Variants in PCSK7 observed in about 807,000 individuals in gnomAD.
The protein encoded by PCSK7 is proprotein convertase subtilisin/kexin type 7.
PCSK7 carries 38 observed loss-of-function variants against 73.3 expected under a neutral mutation model. The ratio of observed to expected loss-of-function variants is 0.52; its 90% CI spans 0.40 to 0.68. The LOEUF (loss-of-function observed/expected upper bound fraction) is 0.68. Ranked by LOEUF, PCSK7 falls within the 30% of genes least tolerant of loss-of-function variation. The pLI is 0.00. For synonymous variants in PCSK7, 296 were observed against 383.8 expected (o/e 0.77, Z 2.68); for missense variants, 692 against 991.5 (o/e 0.70, Z 4.06).
intron 5 of PCSK7, 72 bp from the exon 6 acceptor site, chr11:117,226,093 C>G (rs2032414819): frequency 4.6e-6 from 4 of 868,952 alleles, no homozygotes; most frequent in Non-Finnish European, 6.0e-6. Flanking sequence ...AGGTGGGGAG[C>G]CATATGTGGG....
In PCSK7 at chr11:117,213,418, C is replaced by T. The variant is rs573064582; in HGVS notation, c.1535-4365G>A. The stretch of plus-strand genomic sequence containing the variant: ...CTAGGGAACGGTGACGGCACTGACA[C>T]GAATGGGAAAATCTTAGAAAGCAAG... On this transcript the variant is annotated intron_variant, in intron 12 of 16. Transcript: ENST00000320934. 6 of 152,188 alleles carry T rather than the reference C, an allele frequency of 3.9e-5. 1 individual carries two copies. Among genetic ancestry groups the T allele is most frequent in the South Asian group, 4.1e-4 (2 of 4,822 alleles). 9.4% of individuals were successfully genotyped at this position (152,188 alleles called of 1,614,324 possible). A position where few individuals can be genotyped will look rare whatever the true frequency, so the allele number is the denominator to read the frequency against.
At chr11:117,224,891 C>T (rs113530751) in intron 6 of PCSK7, 136 bp from the exon 7 acceptor site, 37 of 712,028 alleles carry the variant, frequency 5.2e-5, no homozygotes, top group African/African-American at 4.0e-4. Context: ...TAAAGGCTTC[C>T]GTGATTAAAA....
rs1332949474 is a variant in PCSK7 at position 117,228,329 on chromosome 11, T to C, written c.490A>G (p.Arg164Gly). The C allele has an allele frequency of 3.7e-6, 6 of 1,614,070 alleles. No homozygotes were observed. In the South Asian group the frequency reaches 6.6e-5, roughly 18 times the overall value. ...CACACACCCGTCACGTTGATGTCCC[T>C]GCCCGGGCTCCGTCGGTTATTCTGT... ...WHLNNRRSPG[R>G]DINVTGVWER... Residue 164 changes from arginine (R) to glycine (G), a missense_variant, in exon 4 of 17, where the codon AGG becomes GGG. Arg to Gly is a moderately radical substitution (Grantham distance 125). Around this residue, in one of 6 missense-constraint regions of PCSK7, gnomAD observed 574 missense variants for 689.8 expected, o/e 0.83. Coordinates refer to ENST00000320934, the MANE Select transcript of PCSK7 (RefSeq NM_004716.4).
chr11:117,223,953 T>C (rs144930234), intron 8 of PCSK7, 125 bp downstream of exon 8: 283 of 1,005,434 alleles, frequency 2.8e-4, no homozygotes, highest in Admixed American at 1.0e-3. Context: ...GGGCTAGTCC[T>C]ATCTGAGCCC....
At position 117,218,516 on chromosome 11, in the gene PCSK7, T is replaced by C; in HGVS notation, c.1484A>G (p.Glu495Gly). 1 of 1,611,244 alleles carries C rather than the reference T, an allele frequency of 6.2e-7. No homozygotes were observed. Residue 495 changes from glutamate (E) to glycine (G), a missense_variant, in exon 12 of 17, where the codon GAA becomes GGA. Around this residue, in one of 6 missense-constraint regions of PCSK7, gnomAD observed 574 missense variants for 689.8 expected, o/e 0.83. Coordinates refer to ENST00000320934, the MANE Select transcript of PCSK7 (RefSeq NM_004716.4). The surrounding 1 kb of genome is among the most constrained non-coding windows in gnomAD (Gnocchi z 4.0). ...GGGGGACTGCGGAATCGCCTTGTTT[T>C]CTTTTAACACGGGACTGACGTAGGA... is the stretch of plus-strand genomic sequence containing the variant. ...LASYVSPVLK[E>G]NKAIPQSPRS...
intron 6 of PCSK7, chr11:117,224,998 G>T: frequency 2.0e-6 from 1 of 506,422 alleles, no homozygotes; most frequent in Non-Finnish European, 3.6e-6. Context: ...AGCCCATAGT[G>T]GCAGAGAGGG....
chr11:117,221,419 G>C (rs1041336314), intron 9 of PCSK7: 1 of 152,234 alleles, frequency 6.6e-6, no homozygotes, highest in Non-Finnish European at 1.5e-5. Context: ...CTTGTCTATG[G>C]TGGCAGGAGC....
chr11:117,230,879 G>A (rs1020087607), intron 1 of PCSK7, among the ~76,000 whole-genome samples: 1 of 152,096 alleles, frequency 6.6e-6, no homozygotes, highest in African/African-American at 2.4e-5. Context: ...AAACAAAACA[G>A]AACAGGCACC....
Position 117,226,008 on chromosome 11 carries a change from C to A in PCSK7, c.783G>T (p.Leu261=). 6.2e-7 allele frequency: 1 copy of A among 1,605,030 alleles called. No homozygotes were observed. Among genetic ancestry groups the A allele is most frequent in the East Asian group, 2.2e-5 (1 of 44,830 alleles). ...CCATGCTGTCTGTGAGAGGTCCATC[C>A]AGTACCCGGATACCTAGGCAATGAA... ...YGSRIAGIRV[L]DGPLTDSMEA... is the part of the protein sequence containing the mutation. The change falls in exon 6 of 17, where the codon CTG becomes CTT. Residue 261 remains leucine (L), a synonymous_variant. Coordinates refer to ENST00000320934, the MANE Select transcript of PCSK7 (RefSeq NM_004716.4).
intron 3 of PCSK7, among the ~76,000 whole-genome samples, chr11:117,228,745 C>T (rs1321982914): frequency 2.0e-5 from 3 of 151,918 alleles, no homozygotes; most frequent in South Asian, 2.1e-4. Flanking sequence ...CTCAGGCTTC[C>T]GAGTAGCTGC....
At chr11:117,224,265 C>A (rs758120801) in intron 7 of PCSK7, 49 bp from the exon 8 acceptor site, 1 of 1,591,756 alleles carries the variant, frequency 6.3e-7, no homozygotes, top group South Asian at 1.1e-5. Context: ...CACAGAAAGA[C>A]CTCCGCCTAC....
intron 4 of PCSK7, among the ~76,000 whole-genome samples, 169 bp downstream of exon 4, chr11:117,228,047 T>C (rs1482959741): frequency 6.6e-6 from 1 of 152,204 alleles, no homozygotes; most frequent in African/African-American, 2.4e-5. Context: ...TAGAGCCACC[T>C]GCTGTGCCTT....
intron 6 of PCSK7, chr11:117,225,698 T>A: frequency 1.8e-6 from 1 of 563,332 alleles, no homozygotes; most frequent in Non-Finnish European, 3.2e-6. Flanking sequence ...AACAAATAAA[T>A]GTGCACAGGC....
At chr11:117,210,929 C>T (rs889504812) in intron 12 of PCSK7, 1 of 151,646 alleles carries the variant, frequency 6.6e-6, no homozygotes, top group Non-Finnish European at 1.5e-5. Context: ...GAGTGAGAGC[C>T]TGTCTCAAAA....
In PCSK7 at chr11:117,205,597, A is replaced by C. The variant is rs548427880; in HGVS notation, c.*400T>G. Reference sequence around the variant, plus strand: ...GCCTCTACCCCGAAGTCCTCTTCCCAAGTGACCCCAGTGATGTTTCCATTG... The same window carrying C: ...GCCTCTACCCCGAAGTCCTCTTCCCCAGTGACCCCAGTGATGTTTCCATTG... On this transcript the variant is annotated 3_prime_UTR_variant, in exon 17 of 17. Transcript: ENST00000320934. The C allele has an allele frequency of 5.4e-5, 13 of 242,222 alleles. No individual in the cohort carries two copies. In the South Asian group the frequency reaches 2.1e-3, roughly 40 times the overall value. 15.0% of individuals were successfully genotyped at this position (242,222 alleles called of 1,614,324 possible). A position where few individuals can be genotyped will look rare whatever the true frequency, so the allele number is the denominator to read the frequency against.
At position 117,223,255 on chromosome 11, in the gene PCSK7, T is replaced by G; in HGVS notation, c.1108A>C (p.Met370Leu). The G allele has an allele frequency of 6.2e-7, 1 of 1,613,944 alleles. No homozygotes were observed. Among genetic ancestry groups the G allele is most frequent in the Non-Finnish European group, 8.5e-7 (1 of 1,179,800 alleles). The change falls in exon 9 of 17, where the codon ATG becomes CTG. Residue 370 changes from methionine to leucine, a missense_variant. By Grantham distance (15) the Met-to-Leu change is conservative. Transcript: ENST00000320934. The stretch of plus-strand genomic sequence containing the variant: ...CCACCACTGAAGGTGACTGCCAGCA[T>G]GGAGGCACATTCTTCTGCATAGAAA... ...MPFYAEECASMLAVTFSGGDK... is the reference protein window; with the variant it reads ...MPFYAEECASLLAVTFSGGDK...
chr11:117,230,134 C>T (rs1470478408), intron 2 of PCSK7: 4 of 379,738 alleles, frequency 1.1e-5, no homozygotes, highest in Admixed American at 4.3e-5. Context: ...GCAGGAGGTC[C>T]AGTTGCTCAC....
intron 12 of PCSK7, chr11:117,210,892 TGC>T (rs2031700391): frequency 1.3e-5 from 2 of 152,114 alleles, no homozygotes; most frequent in African/African-American, 2.4e-5. Flanking sequence ...ACCATGACTG[TGC>T]CTCTGCACTC....
chr11:117,218,779 G>A lies in PCSK7; in HGVS notation c.1432-211C>T, dbSNP rs751231676. The A allele has an allele frequency of 1.8e-6, 1 of 564,334 alleles. No homozygotes were observed. Among genetic ancestry groups the A allele is most frequent in the South Asian group, 2.3e-5 (1 of 42,652 alleles). The allele number at this position is 564,334 out of a possible 1,614,324, so 35.0% of individuals were successfully genotyped here. On this transcript the variant is annotated intron_variant, in intron 11 of 16. Coordinates refer to ENST00000320934, the MANE Select transcript of PCSK7 (RefSeq NM_004716.4). The surrounding 1 kb of genome is among the most constrained non-coding windows in gnomAD (Gnocchi z 4.0). ...AGCTAAGGAACCAGAGGAAACAGCTGTGTCCAGGGTGGAGGAGGGGAACCA... is the reference window on the plus strand; with the variant it reads ...AGCTAAGGAACCAGAGGAAACAGCTATGTCCAGGGTGGAGGAGGGGAACCA...
Sources: allele counts gnomAD v4.1 joint callset (sites outside exome capture counted in the v4.1 genomes callset), GRCh38; gene constraint gnomAD v4.1.1; regional missense constraint gnomAD v4.1.1; non-coding constraint Gnocchi (gnomAD v3.1); transcripts MANE v1.5; gene names NCBI Gene and HGNC (gene_info 2026-07-23, HGNC 2026-07-21).